Variants in FRK observed in about 807,000 individuals in gnomAD.
FRK encodes the protein fyn related Src family tyrosine kinase, also known as tyrosine-protein kinase FRK.
Under a neutral mutation model 56.4 loss-of-function variants are expected in FRK, and 51 were observed. The observed-to-expected ratio is 0.90, with a 90% confidence interval of 0.72 to 1.14. FRK has a LOEUF of 1.14. Among genes scored for constraint, FRK ranks in the 50% most tolerant of loss-of-function variants. The pLI is 0.00. For synonymous variants in FRK, 245 were observed against 217.9 expected (o/e 1.12, Z -1.10); for missense variants, 570 against 601.4 (o/e 0.95, Z 0.55).
chr6:115,984,838 A>C (rs1268601293), intron 2 of FRK, among the ~76,000 whole-genome samples: 1 of 152,008 alleles, frequency 6.6e-6, no homozygotes, highest in Admixed American at 6.6e-5. Context: ...GAACTTTTGA[A>C]ACAAATTTGT....
intron 4 of FRK, among the ~76,000 whole-genome samples, chr6:115,965,345 A>G (rs200070642): frequency 0.025 from 419 of 16,640 alleles, 27 homozygotes; most frequent in Admixed American, 0.13. Context: ...CAAAACCACT[A>G]TGAGATATCA....
chr6:115,987,656 C>G (rs1302311678), intron 2 of FRK, among the ~76,000 whole-genome samples: 1 of 152,098 alleles, frequency 6.6e-6, no homozygotes, highest in East Asian at 1.9e-4. Context: ...CATTACCCCT[C>G]TACTGCCAAT....
chr6:115,987,897 TA>T (rs2114654122), intron 2 of FRK, among the ~76,000 whole-genome samples: 1 of 152,234 alleles, frequency 6.6e-6, no homozygotes, highest in East Asian at 1.9e-4. Context: ...AATGAAAGTA[TA>T]ATTTTTGCTT....
chr6:115,951,765 C>G (rs769393687), intron 5 of FRK, among the ~76,000 whole-genome samples: 8 of 152,176 alleles, frequency 5.3e-5, no homozygotes. Context: ...GAGTGACACA[C>G]ATTTCCTACT....
chr6:116,036,733 T>C (rs1241502330), intron 1 of FRK, among the ~76,000 whole-genome samples: 1 of 152,136 alleles, frequency 6.6e-6, no homozygotes. Flanking sequence ...TAATACTTTA[T>C]TCATTAAATA....
In FRK at chr6:115,957,331, T is replaced by A. The variant is rs138184502; in HGVS notation, c.800-721A>T. Among the ~76,000 whole-genome samples the A allele has an allele frequency of 1.1e-4, 16 of 152,338 alleles. No homozygotes were observed. The East Asian group carries it at 3.1e-3, about 29-fold the overall frequency. ...ATTTTAATGGATCCACTCTGACTCA[T>A]CATGCAAGGTGTCAAGTAGTTGACA... On this transcript the variant is annotated intron_variant, in intron 4 of 7. Coordinates refer to ENST00000606080, the MANE Select transcript of FRK (RefSeq NM_002031.3).
Position 115,957,084 on chromosome 6 carries a change from T to C in FRK, c.800-474A>G, listed in dbSNP as rs548348743. Among the ~76,000 whole-genome samples the C allele has an allele frequency of 9.8e-5, 15 of 152,346 alleles. No homozygotes were observed. The South Asian group carries it at 2.9e-3, about 29-fold the overall frequency. The stretch of plus-strand genomic sequence containing the variant: ...CATTCTGCCATACTTTTGTCTTTAA[T>C]TCTGTAGGAACATAGTGTGTAGACC... On this transcript the variant is annotated intron_variant, in intron 4 of 7. Coordinates refer to ENST00000606080, the MANE Select transcript of FRK (RefSeq NM_002031.3).
intron 1 of FRK, among the ~76,000 whole-genome samples, chr6:116,026,583 C>T (rs975339698): frequency 2.2e-4 from 33 of 149,412 alleles, no homozygotes; most frequent in Non-Finnish European, 4.3e-4. Context: ...AGGAAAGACA[C>T]GTGTAACACA....
At chr6:115,999,768 G>C (rs1281915391) in intron 2 of FRK, among the ~76,000 whole-genome samples, 1 of 152,084 alleles carries the variant, frequency 6.6e-6, no homozygotes, top group African/African-American at 2.4e-5. Context: ...TCAGCAATTG[G>C]GTTGTTTGTT....
chr6:116,069,308 A>G, the FRK span, among the ~76,000 whole-genome samples: 4 of 152,158 alleles, frequency 2.6e-5, no homozygotes, highest in African/African-American at 4.8e-5. Context: ...CTGACTGAAC[A>G]TGAGGATATG....
chr6:116,017,570 G>A (rs1202645094), intron 1 of FRK, among the ~76,000 whole-genome samples: 1 of 152,150 alleles, frequency 6.6e-6, no homozygotes, highest in East Asian at 1.9e-4. Flanking sequence ...ATTTGTCGAG[G>A]TTTTTCTTTT....
chr6:116,053,910 T>G (rs1358082239), intron 1 of FRK, among the ~76,000 whole-genome samples: 3 of 152,096 alleles, frequency 2.0e-5, no homozygotes, highest in African/African-American at 7.2e-5. Flanking sequence ...ATGCATGTAA[T>G]CAAGCTTTAC....
At chr6:116,007,303 G>C (rs921788474) in intron 1 of FRK, among the ~76,000 whole-genome samples, 4 of 152,166 alleles carry the variant, frequency 2.6e-5, no homozygotes, top group Non-Finnish European at 5.9e-5. Context: ...ACTCATGCTT[G>C]CTCTCCAGTC....
intron 5 of FRK, among the ~76,000 whole-genome samples, chr6:115,948,073 A>G (rs1006877029): frequency 6.6e-6 from 1 of 152,130 alleles, no homozygotes; most frequent in Non-Finnish European, 1.5e-5. Flanking sequence ...ATCACTTCCA[A>G]GATTAAATTA....
chr6:116,041,722 C>T (rs780957137), intron 1 of FRK, among the ~76,000 whole-genome samples: 10 of 152,222 alleles, frequency 6.6e-5, no homozygotes, highest in Non-Finnish European at 1.2e-4. Flanking sequence ...AGCCCAGATA[C>T]TACTCTTTTC....
rs375900374 is a variant in FRK, at chr6:116,027,711, G to A, written c.345-23713C>T. ...AGAACATTTGTAATCCAGTCCTATA[G>A]GTCTACAACAGATTCAATAAACAAA... On this transcript the variant is annotated intron_variant, in intron 1 of 7. Coordinates refer to ENST00000606080, the MANE Select transcript of FRK (RefSeq NM_002031.3). Among the ~76,000 whole-genome samples the A allele has an allele frequency of 1.3e-4, 20 of 151,500 alleles. No individual in the cohort carries two copies. In the East Asian group the frequency reaches 3.7e-3, roughly 28 times the overall value.
the FRK span, among the ~76,000 whole-genome samples, chr6:116,100,377 C>A: frequency 6.6e-6 from 1 of 152,304 alleles, no homozygotes; most frequent in Admixed American, 6.5e-5. Flanking sequence ...TCAAAGATCA[C>A]GTGGGTGAAA....
chr6:116,065,578 T>C (rs536086527), upstream of FRK, among the ~76,000 whole-genome samples: 51 of 152,336 alleles, frequency 3.3e-4, 1 homozygote, highest in South Asian at 9.9e-3. Flanking sequence ...CAGATAAATA[T>C]GGGTTCTTGT....
intron 1 of FRK, among the ~76,000 whole-genome samples, chr6:116,016,101 G>A (rs1440229908): frequency 1.3e-5 from 2 of 152,112 alleles, no homozygotes; most frequent in Non-Finnish European, 2.9e-5. Context: ...TGTCTCCAAG[G>A]CATGCCAGAG....
Sources: allele counts gnomAD v4.1 joint callset (sites outside exome capture counted in the v4.1 genomes callset), GRCh38; gene constraint gnomAD v4.1.1; transcripts MANE v1.5; gene names NCBI Gene and HGNC (gene_info 2026-07-23, HGNC 2026-07-21).